Variants in CNTNAP2 observed in about 807,000 individuals in gnomAD.
The protein encoded by CNTNAP2 is contactin associated protein 2.
Under a neutral mutation model 155.2 loss-of-function variants are expected in CNTNAP2, and 98 were observed. That is an observed-to-expected ratio of 0.63 (90% CI 0.54 to 0.75). The LOEUF (loss-of-function observed/expected upper bound fraction) is 0.75, where lower values mean the gene tolerates loss of function less well. Ranked by LOEUF, CNTNAP2 falls within the 30% of genes least tolerant of loss-of-function variation. The pLI is 0.00. For missense variants in CNTNAP2, 1,727 were observed against 1,688.1 expected, an observed-to-expected ratio of 1.02 and a Z score of -0.40; for synonymous variants, 651 against 631.2, an observed-to-expected ratio of 1.03 and a Z score of -0.47.
chr7:146,348,190 G>A (rs1252935399), intron 1 of CNTNAP2, among the ~76,000 whole-genome samples: 4 of 152,080 alleles, frequency 2.6e-5, no homozygotes, highest in African/African-American at 9.7e-5. Flanking sequence ...GAGGCCTAGT[G>A]GGCGAGTCAC....
intron 3 of CNTNAP2, among the ~76,000 whole-genome samples, chr7:146,905,199 C>A (rs893784710): frequency 6.6e-6 from 1 of 151,506 alleles, no homozygotes; most frequent in Admixed American, 6.6e-5. Flanking sequence ...TCCCTGGAGT[C>A]GGGAGGGGGA....
At chr7:148,293,537 C>T (rs1163556521) in intron 21 of CNTNAP2, among the ~76,000 whole-genome samples, 1 of 152,136 alleles carries the variant, frequency 6.6e-6, no homozygotes, top group Non-Finnish European at 1.5e-5. Context: ...GGGATATAAT[C>T]CCCCAAAATT....
intron 3 of CNTNAP2, among the ~76,000 whole-genome samples, chr7:146,990,063 T>A (rs181708733): frequency 3.3e-5 from 5 of 151,676 alleles, no homozygotes; most frequent in Admixed American, 3.3e-4. Context: ...TTAGGTCCTG[T>A]AGAGAAAAAT....
chr7:148,389,309 G>C (rs1425282376), intron 22 of CNTNAP2, among the ~76,000 whole-genome samples: 1 of 152,180 alleles, frequency 6.6e-6, no homozygotes, highest in Non-Finnish European at 1.5e-5. Flanking sequence ...TGTCGTGACA[G>C]TGAATAAGTC....
At chr7:146,516,488 A>T (rs1184313579) in intron 1 of CNTNAP2, among the ~76,000 whole-genome samples, 1 of 151,948 alleles carries the variant, frequency 6.6e-6, no homozygotes, top group Non-Finnish European at 1.5e-5. Context: ...TTACAGCAGG[A>T]TGGTCTGGGA....
chr7:148,225,131 G>A (rs1403612650), intron 19 of CNTNAP2, among the ~76,000 whole-genome samples: 1 of 152,156 alleles, frequency 6.6e-6, no homozygotes, highest in African/African-American at 2.4e-5. Context: ...ATAAAGAATA[G>A]AAACAAAAAT....
intron 9 of CNTNAP2, among the ~76,000 whole-genome samples, chr7:147,351,651 G>C (rs1646743276): frequency 6.6e-6 from 1 of 151,780 alleles, no homozygotes; most frequent in Non-Finnish European, 1.5e-5. Flanking sequence ...TTGCAAGCAT[G>C]AGTTTAGAAA....
At chr7:147,730,518 CCGTACA>C (rs1796720649) in intron 13 of CNTNAP2, among the ~76,000 whole-genome samples, 7 of 152,036 alleles carry the variant, frequency 4.6e-5, no homozygotes, top group African/African-American at 1.7e-4. Context: ...TGAACTCTGC[CCGTACA>C]AGACAATGAA....
At chr7:146,301,963 T>G (rs1800619257) in intron 1 of CNTNAP2, among the ~76,000 whole-genome samples, 1 of 152,128 alleles carries the variant, frequency 6.6e-6, no homozygotes, top group Non-Finnish European at 1.5e-5. Context: ...TCAAGCTACC[T>G]CGTAGGACTT....
intron 4 of CNTNAP2, among the ~76,000 whole-genome samples, chr7:147,060,785 A>AC (rs1267612331): frequency 8.5e-5 from 13 of 152,056 alleles, no homozygotes; most frequent in Non-Finnish European, 1.9e-4. Flanking sequence ...AATGGCGTGA[A>AC]CCTGGGAGGC....
At chr7:148,062,028 A>AGAGAGAGAGAGAGTGT (rs1388530831) in intron 15 of CNTNAP2, among the ~76,000 whole-genome samples, 1 of 106,016 alleles carries the variant, frequency 9.4e-6, no homozygotes, top group African/African-American at 3.5e-5. Context: ...AGAGAGAGAG[A>AGAGAGAGAGAGAGTGT]GTGTGTGTGT....
intron 8 of CNTNAP2, among the ~76,000 whole-genome samples, chr7:147,174,240 C>T (rs1307980768): frequency 6.6e-6 from 1 of 152,124 alleles, no homozygotes; most frequent in Non-Finnish European, 1.5e-5. Context: ...CCCAAACTCC[C>T]TTACATATGT....
At chr7:146,605,780 T>C (rs1186055415) in intron 1 of CNTNAP2, among the ~76,000 whole-genome samples, 1 of 152,202 alleles carries the variant, frequency 6.6e-6, no homozygotes, top group Non-Finnish European at 1.5e-5. Flanking sequence ...ACGACTGATA[T>C]GATTCATCTT....
chr7:147,314,682 C>T (rs73742543), intron 9 of CNTNAP2, among the ~76,000 whole-genome samples: 7,878 of 150,910 alleles, frequency 0.052, 421 homozygotes, highest in African/African-American at 0.093. Context: ...GGAACTTTTC[C>T]TATTATCTAT....
At position 146,334,304 on chromosome 7, in the gene CNTNAP2, G is replaced by A. The variant is rs376633300; in HGVS notation, c.97+217331G>A. Reference sequence around the variant, plus strand: ...AAATGAGCTGGGCGTGGTGGCAGGCGCCTGTAGTCCCAGCTACTCGGGAGG... The same window carrying A: ...AAATGAGCTGGGCGTGGTGGCAGGCACCTGTAGTCCCAGCTACTCGGGAGG... On this transcript the variant is annotated intron_variant, in intron 1 of 23. Transcript: ENST00000361727. Among the ~76,000 whole-genome samples the A allele has an allele frequency of 4.6e-4, 70 of 152,186 alleles. 1 individual carries two copies. The highest frequency in any genetic ancestry group is 1.6e-3 in the African/African-American group (65 of 41,530).
intron 3 of CNTNAP2, among the ~76,000 whole-genome samples, chr7:147,035,003 CCTTCTCTATCCAGCA>C (rs1161261489): frequency 2.0e-5 from 3 of 152,152 alleles, no homozygotes; most frequent in African/African-American, 7.2e-5. Context: ...AGGACCCTGC[CCTTCTCTATCCAGCA>C]CTTCTCTGCC....
chr7:146,122,099 A>G (rs1333481211), intron 1 of CNTNAP2, among the ~76,000 whole-genome samples: 1 of 152,214 alleles, frequency 6.6e-6, no homozygotes, highest in Non-Finnish European at 1.5e-5. Flanking sequence ...CTATGTCTAC[A>G]GTTCATTCGT....
At chr7:146,835,292 C>CTG (rs1369464638) in intron 2 of CNTNAP2, among the ~76,000 whole-genome samples, 1 of 152,152 alleles carries the variant, frequency 6.6e-6, no homozygotes, top group Non-Finnish European at 1.5e-5. Context: ...TTTCACCAAT[C>CTG]AATCAGACAT....
intron 9 of CNTNAP2, among the ~76,000 whole-genome samples, chr7:147,309,155 G>A (rs1335310548): frequency 2.0e-5 from 3 of 152,002 alleles, no homozygotes; most frequent in South Asian, 2.1e-4. Flanking sequence ...ACTATTTATC[G>A]CCTCTTAAAA....
Sources: allele counts gnomAD v4.1 joint callset (sites outside exome capture counted in the v4.1 genomes callset), GRCh38; gene constraint gnomAD v4.1.1; transcripts MANE v1.5; gene names NCBI Gene and HGNC (gene_info 2026-07-23, HGNC 2026-07-21).